Variants in CIART observed in about 807,000 individuals in gnomAD.
CIART encodes circadian-associated transcriptional repressor.
Under a neutral mutation model 22.1 loss-of-function variants are expected in CIART, and 7 were observed. That is an observed-to-expected ratio of 0.32 (90% CI 0.18 to 0.59). CIART has a LOEUF of 0.59. CIART is among the 20% of genes least tolerant of loss of function. The pLI is 0.86. For missense variants in CIART, 440 were observed against 478.0 expected (o/e 0.92, Z 0.74); for synonymous variants, 163 against 174.6 (o/e 0.93, Z 0.53).
rs6689338 is a variant in CIART, at chr1:150,283,248, T to A, written c.-20T>A. On this transcript the variant is annotated 5_prime_UTR_variant, in exon 1 of 5. Coordinates refer to ENST00000290363, the MANE Select transcript of CIART (RefSeq NM_144697.4). ...TTTGGGTACTCCAGGAGCTGTTCTA[T>A]AGCCCCTGCTTCTGGACCTATGGAT... 0.011 allele frequency: 16,560 copies of A among 1,510,714 alleles called. 1,349 individuals carry two copies. In the African/African-American group the frequency reaches 0.19, roughly 17 times the overall value. 93.6% of individuals were successfully genotyped at this position (1,510,714 alleles called of 1,614,324 possible). A position where few individuals can be genotyped will look rare whatever the true frequency, so the allele number is the denominator to read the frequency against.
chr1:150,283,358 C>A lies in CIART; in HGVS notation c.91C>A (p.Pro31Thr). ...CCCAGTGAACAGTGACTTTGGCTTC[C>A]CCTCTGATAGTGAGAGGGAGGACAA... ...TSPVNSDFGF[P>T]SDSEREDKGA... Residue 31 changes from proline to threonine, a missense_variant, in exon 1 of 5, where the codon CCC becomes ACC. Pro to Thr is a conservative substitution (Grantham distance 38). Coordinates refer to ENST00000290363, the MANE Select transcript of CIART (RefSeq NM_144697.4). 6.3e-7 allele frequency: 1 copy of A among 1,586,474 alleles called. No homozygotes were observed. The highest frequency in any genetic ancestry group is 1.7e-4 in the Middle Eastern group (1 of 5,910).
chr1:150,287,012 A>G lies in CIART; in HGVS notation c.*58A>G, dbSNP rs1473309847. 2.1e-6 allele frequency: 3 copies of G among 1,406,564 alleles called. No individual in the cohort carries two copies. The highest frequency in any genetic ancestry group is 2.9e-5 in the African/African-American group (2 of 68,506). The allele number at this position is 1,406,564 out of a possible 1,614,324, so 87.1% of individuals were successfully genotyped here. A position where few individuals can be genotyped will look rare whatever the true frequency, so the allele number is the denominator to read the frequency against. On this transcript the variant is annotated 3_prime_UTR_variant, in exon 5 of 5. Transcript: ENST00000290363. The stretch of plus-strand genomic sequence containing the variant: ...AATTTGTGTAAATATTTATGTATAT[A>G]TGTATTTTTACTATTAATGTGTGCA...
rs782032349 is a variant in CIART, at chr1:150,286,503, A to C, written c.707A>C (p.Gln236Pro). The C allele has an allele frequency of 1.3e-6, 2 of 1,585,016 alleles. No homozygotes were observed. The highest frequency in any genetic ancestry group is 1.7e-6 in the Non-Finnish European group (2 of 1,153,748). Residue 236 changes from glutamine to proline, a missense_variant, in exon 5 of 5, where the codon CAG becomes CCG. Physicochemically the swap from Gln to Pro is moderately conservative, Grantham distance 76 (BLOSUM62 -1). Transcript: ENST00000290363. ...ASPMEKMDQT[Q>P]LGHLALKPKQ... ...CCTATGGAAAAGATGGACCAGACAC[A>C]GCTAGGACATCTAGCTTTAAAACCA...
Position 150,284,680 on chromosome 1 carries a change from T to C in CIART, c.605T>C (p.Leu202Ser). Residue 202 changes from leucine to serine, a missense_variant, in exon 4 of 5, where the codon TTG becomes TCG. Physicochemically the swap from Leu to Ser is moderately radical, Grantham distance 145. Transcript: ENST00000290363. The part of the protein sequence containing the change: ...FPQIAAQKSS[L>S]GGGKHQLTKH... ...CAAATAGCTGCCCAGAAGTCATCATTGGGTGGTGGCAAGCATCAGCTGACC... is the reference window on the plus strand; with the variant it reads ...CAAATAGCTGCCCAGAAGTCATCATCGGGTGGTGGCAAGCATCAGCTGACC... 11 of 1,613,510 alleles carry C rather than the reference T, an allele frequency of 6.8e-6. No homozygotes were observed. Among genetic ancestry groups the C allele is most frequent in the Non-Finnish European group, 8.5e-6 (10 of 1,179,462 alleles).
chr1:150,283,305 ACT>A lies in CIART; in HGVS notation c.47_48del (p.Ser16PhefsTer11). ...TCTAGCGTTTCTTCCTATTCCTCCT[ACT>A]CTCTCTCTTCGTCTTTTCCCACCTC... is the stretch of plus-strand genomic sequence containing the variant. On this transcript the variant is annotated frameshift_variant, in exon 1 of 5. Coordinates refer to ENST00000290363, the MANE Select transcript of CIART (RefSeq NM_144697.4). LOFTEE classifies it high-confidence loss of function. 6.5e-7 allele frequency: 1 copy of A among 1,532,082 alleles called. No individual in the cohort carries two copies. Among genetic ancestry groups the A allele is most frequent in the Non-Finnish European group, 8.8e-7 (1 of 1,141,924 alleles). The allele number at this position is 1,532,082 out of a possible 1,614,324, so 94.9% of individuals were successfully genotyped here.
At position 150,286,813 on chromosome 1, in the gene CIART, A is replaced by G; in HGVS notation, c.1017A>G (p.Pro339=). The G allele has an allele frequency of 1.2e-6, 2 of 1,613,794 alleles. No homozygotes were observed. Among genetic ancestry groups the G allele is most frequent in the Non-Finnish European group, 1.7e-6 (2 of 1,179,758 alleles). Residue 339 remains proline (P), a synonymous_variant, in exon 5 of 5, where the codon CCA becomes CCG. Coordinates refer to ENST00000290363, the MANE Select transcript of CIART (RefSeq NM_144697.4). ...SGEGPRCYSL[P]VTLPSDWSYT... is the part of the protein sequence containing the mutation. ...AGGGTCCTCGTTGCTACAGTTTGCC[A>G]GTAACTCTGCCATCAGACTGGAGCT...
chr1:150,284,569 G>A, intron 3 of CIART, 28 bp from the exon 4 acceptor site: 1 of 1,599,352 alleles, frequency 6.3e-7, no homozygotes. Context: ...CCTGTTGCTG[G>A]TTTTTTAAAG....
rs1653515723 is a variant in CIART, at chr1:150,286,757, A to G, written c.961A>G (p.Ile321Val). Residue 321 changes from isoleucine to valine, a missense_variant, in exon 5 of 5, where the codon ATC (isoleucine) becomes GTC (valine). Transcript: ENST00000290363. Reference protein sequence around the residue: ...PVPPTTASPVIPGEPMKLSGE... With the variant: ...PVPPTTASPVVPGEPMKLSGE... Reference sequence around the variant, plus strand: ...CCCACCTACTACAGCATCTCCTGTCATCCCTGGTGAGCCTATGAAACTATC... The same window carrying G: ...CCCACCTACTACAGCATCTCCTGTCGTCCCTGGTGAGCCTATGAAACTATC... The G allele has an allele frequency of 6.2e-7, 1 of 1,613,060 alleles. No individual in the cohort carries two copies. Among genetic ancestry groups the G allele is most frequent in the African/African-American group, 1.3e-5 (1 of 75,000 alleles).
Position 150,283,858 on chromosome 1 carries a change from G to A in CIART, c.420G>A (p.Leu140=). 1 of 1,591,338 alleles carries A rather than the reference G, an allele frequency of 6.3e-7. No individual in the cohort carries two copies. The highest frequency in any genetic ancestry group is 8.6e-7 in the Non-Finnish European group (1 of 1,159,960). ...CTCTCACAGACCTACTCAATGGGCT[G>A]AAGATGGGTCGTTTTGAGAGAGGTA... is the stretch of plus-strand genomic sequence containing the variant. ...IPPLTDLLNG[L]KMGRFERGLS... Residue 140 remains leucine, a synonymous_variant, in exon 2 of 5, where the codon CTG becomes CTA. Coordinates refer to ENST00000290363, the MANE Select transcript of CIART (RefSeq NM_144697.4).
In CIART at chr1:150,286,804, C is replaced by A; in HGVS notation, c.1008C>A (p.Tyr336Ter). Residue 336 changes from tyrosine (Y) to a stop codon, truncating the protein, a stop_gained, in exon 5 of 5, where the codon TAC becomes TAA. Coordinates refer to ENST00000290363, the MANE Select transcript of CIART (RefSeq NM_144697.4). LOFTEE classifies it low-confidence loss of function (END_TRUNC). ...TATCTGGAGAGGGTCCTCGTTGCTACAGTTTGCCAGTAACTCTGCCATCAG... is the reference window on the plus strand; with the variant it reads ...TATCTGGAGAGGGTCCTCGTTGCTAAAGTTTGCCAGTAACTCTGCCATCAG... ...MKLSGEGPRC[Y>*]SLPVTLPSDW... 6.2e-7 allele frequency: 1 copy of A among 1,613,782 alleles called. No homozygotes were observed.
chr1:150,284,569 G>C, intron 3 of CIART, 28 bp from the exon 4 acceptor site: 1 of 1,599,352 alleles, frequency 6.3e-7, no homozygotes, highest in African/African-American at 1.3e-5. Flanking sequence ...CCTGTTGCTG[G>C]TTTTTTAAAG....
At chr1:150,286,298 C>A in intron 4 of CIART, 132 bp from the exon 5 acceptor site, 1 of 785,884 alleles carries the variant, frequency 1.3e-6, no homozygotes, top group Non-Finnish European at 2.1e-6. Flanking sequence ...AAGATCATAT[C>A]TGTTGCATAA....
At chr1:150,284,812 C>G (rs964775452) in intron 4 of CIART, 104 bp downstream of exon 4, 1 of 786,160 alleles carries the variant, frequency 1.3e-6, no homozygotes, top group African/African-American at 1.7e-5. Flanking sequence ...GTCTTTTCTT[C>G]AAGTTTCTTT....
chr1:150,284,159 A>T (rs2101891151), intron 2 of CIART, among the ~76,000 whole-genome samples: 1 of 151,970 alleles, frequency 6.6e-6, no homozygotes, highest in East Asian at 1.9e-4. Context: ...CTGGGATTAC[A>T]GGCGCCCACC....
At position 150,284,003 on chromosome 1, in the gene CIART, T is replaced by TTTATTTTTATTA. The variant is rs587613531; in HGVS notation, c.442+128_442+129insTTTATTATTATT. On this transcript the variant is annotated intron_variant, in intron 2 of 4. Coordinates refer to ENST00000290363, the MANE Select transcript of CIART (RefSeq NM_144697.4). ...ATTACTCCTTTTTTGCTACTATGAC[T>TTTATTTTTATTA]TTATTATTATTATTATTATTATTAT... 1.2e-5 allele frequency: 6 copies of TTTATTTTTATTA among 490,042 alleles called. No individual in the cohort carries two copies. The African/African-American group carries it at 1.3e-4, about 11-fold the overall frequency. The allele number at this position is 490,042 out of a possible 1,614,324, so 30.4% of individuals were successfully genotyped here.
In CIART at chr1:150,282,859, G is replaced by T; in HGVS notation, c.-409G>T. ...GTGCCCAGATTGACTGCTTGTGGGTGGCATGGCCTCAGGTGGAGAGGCTTG... is the reference window on the plus strand; with the variant it reads ...GTGCCCAGATTGACTGCTTGTGGGTTGCATGGCCTCAGGTGGAGAGGCTTG... On this transcript the variant is annotated 5_prime_UTR_variant, in exon 1 of 5. Coordinates refer to ENST00000290363, the MANE Select transcript of CIART (RefSeq NM_144697.4). 6.5e-6 allele frequency: 1 copy of T among 154,602 alleles called. No individual in the cohort carries two copies. Among genetic ancestry groups the T allele is most frequent in the Non-Finnish European group, 1.4e-5 (1 of 69,564 alleles). 9.6% of individuals were successfully genotyped at this position (154,602 alleles called of 1,614,324 possible).
chr1:150,283,911 G>C, intron 2 of CIART, 31 bp downstream of exon 2: 1 of 1,496,210 alleles, frequency 6.7e-7, no homozygotes, highest in Non-Finnish European at 9.3e-7. Flanking sequence ...ATTTGGGCTA[G>C]GTTCATTTCT....
Position 150,286,792 on chromosome 1 carries a change from T to C in CIART, c.996T>C (p.Gly332=). The change falls in exon 5 of 5, where the codon GGT becomes GGC. Residue 332 remains glycine (G), a synonymous_variant. Transcript: ENST00000290363. ...AGCCTATGAAACTATCTGGAGAGGG[T>C]CCTCGTTGCTACAGTTTGCCAGTAA... ...PGEPMKLSGE[G]PRCYSLPVTL... 1 of 1,613,592 alleles carries C rather than the reference T, an allele frequency of 6.2e-7. No homozygotes were observed. The highest frequency in any genetic ancestry group is 1.1e-5 in the South Asian group (1 of 91,076).
chr1:150,286,622 A>G lies in CIART; in HGVS notation c.826A>G (p.Thr276Ala). Residue 276 changes from threonine to alanine, a missense_variant, in exon 5 of 5, where the codon ACT becomes GCT. Physicochemically the swap from Thr to Ala is moderately conservative, Grantham distance 58. Coordinates refer to ENST00000290363, the MANE Select transcript of CIART (RefSeq NM_144697.4). ...ICNPPLSSPG[T>A]ISFSHGPLGT... Reference sequence around the variant, plus strand: ...CAACCCCCCTCTCAGCTCCCCAGGTACTATCTCCTTTAGCCATGGTCCTTT... The same window carrying G: ...CAACCCCCCTCTCAGCTCCCCAGGTGCTATCTCCTTTAGCCATGGTCCTTT... The G allele has an allele frequency of 1.2e-6, 2 of 1,610,452 alleles. No individual in the cohort carries two copies. The highest frequency in any genetic ancestry group is 1.7e-6 in the Non-Finnish European group (2 of 1,176,674).
Sources: gnomAD v4.1 joint callset for allele counts (sites outside exome capture counted in the v4.1 genomes callset) on GRCh38, gnomAD v4.1.1 for gene constraint, MANE v1.5 for transcripts, NCBI Gene and HGNC (gene_info 2026-07-23, HGNC 2026-07-21) for gene names.